The following PAK5 variants were observed in gnomAD, a reference collection of about 807,000 sequenced individuals.
PAK5 encodes p21 (RAC1) activated kinase 5.
A neutral mutation model predicts 65.9 loss-of-function variants in PAK5; 16 were observed. The ratio of observed to expected loss-of-function variants is 0.24; its 90% CI spans 0.16 to 0.37. The LOEUF is 0.37. Ranked by LOEUF, PAK5 falls within the 10% of genes least tolerant of loss-of-function variation. PAK5 has a pLI of 1.00. For missense variants in PAK5, 785 were observed against 903.9 expected (o/e 0.87, Z 1.69); for synonymous variants, 371 against 354.9 (o/e 1.05, Z -0.51).
chr20:9,544,105 A>C (rs1409869083), intron 8 of PAK5, among the ~76,000 whole-genome samples: 1 of 152,182 alleles, frequency 6.6e-6, no homozygotes, highest in Non-Finnish European at 1.5e-5. Context: ...GAGTGGGATC[A>C]GAGTTGGAGT....
intron 1 of PAK5, among the ~76,000 whole-genome samples, chr20:9,822,241 A>AT (rs959060068): frequency 2.0e-5 from 3 of 149,822 alleles, no homozygotes; most frequent in Admixed American, 6.7e-5. Context: ...GTGAGCTGAG[A>AT]TCCTGCCACT....
At position 9,539,559 on chromosome 20, in the gene PAK5, C is replaced by G; in HGVS notation, c.2063G>C (p.Arg688Thr). 1 of 1,613,760 alleles carries G rather than the reference C, an allele frequency of 6.2e-7. No homozygotes were observed. The highest frequency in any genetic ancestry group is 8.5e-7 in the Non-Finnish European group (1 of 1,179,920). ...TCCGAGGAGTTCCTGGGCTGTTGCT[C>G]TCTGAGAGGGCTCCCTCACCAACAT... ...DLMLVREPSQ[R>T]ATAQELLGHP... Residue 688 changes from arginine (R) to threonine (T), a missense_variant, in exon 10 of 10, where the codon AGA (arginine) becomes ACA (threonine). Arg to Thr is a moderately conservative substitution (Grantham distance 71). Coordinates refer to ENST00000353224, the MANE Select transcript of PAK5 (RefSeq NM_177990.4).
chr20:9,787,940 T>G (rs2049009955), intron 1 of PAK5, among the ~76,000 whole-genome samples: 1 of 151,598 alleles, frequency 6.6e-6, no homozygotes, highest in East Asian at 1.9e-4. Flanking sequence ...ATTTTAATAA[T>G]AGCTAAAAAT....
At chr20:9,721,653 CAAAAAAAAAAAA>C (rs144378083) in intron 1 of PAK5, among the ~76,000 whole-genome samples, 2 of 65,520 alleles carry the variant, frequency 3.1e-5, no homozygotes, top group Admixed American at 2.2e-4. Flanking sequence ...GACTCCATCT[CAAAAAAAAAAAA>C]AAAAAAAAAA....
intron 2 of PAK5, among the ~76,000 whole-genome samples, chr20:9,697,414 A>T (rs546110013): frequency 6.6e-6 from 1 of 151,986 alleles, no homozygotes; most frequent in Non-Finnish European, 1.5e-5. Context: ...AATATCTCCA[A>T]ATATGCTATT....
At chr20:9,557,767 A>T (rs1484845136) in intron 6 of PAK5, 33 bp from the exon 7 acceptor site, 4 of 1,588,834 alleles carry the variant, frequency 2.5e-6, no homozygotes, top group Admixed American at 1.7e-5. Context: ...GGAACAAGAC[A>T]GGTTTAAGAA....
chr20:9,566,588 C>T (rs1603214759), intron 4 of PAK5, among the ~76,000 whole-genome samples: 2 of 151,942 alleles, frequency 1.3e-5, no homozygotes, highest in African/African-American at 4.8e-5. Context: ...GGTTACTTCA[C>T]GTGTGTCATA....
At chr20:9,640,546 G>A (rs188198328) in intron 3 of PAK5, among the ~76,000 whole-genome samples, 4 of 152,252 alleles carry the variant, frequency 2.6e-5, no homozygotes, top group African/African-American at 9.6e-5. Flanking sequence ...GTTTATAGCA[G>A]CATGTTTTAT....
In PAK5 at chr20:9,572,044, G is replaced by A. The variant is rs574124864; in HGVS notation, c.991-5660C>T. 4.9e-4 allele frequency among the ~76,000 whole-genome samples: 74 copies of A among 150,656 alleles called. 2 individuals carry two copies. The highest frequency in any genetic ancestry group is 1.6e-3 in the African/African-American group (66 of 40,432). On this transcript the variant is annotated intron_variant, in intron 4 of 9. Transcript: ENST00000353224. ...GATGGATGATAATGTCTAGGAGAGG[G>A]GGTGAAAGACAAATTAAGGGTTTTT... is the stretch of plus-strand genomic sequence containing the variant.
intron 4 of PAK5, among the ~76,000 whole-genome samples, chr20:9,575,416 C>T (rs1043550380): frequency 2.6e-5 from 4 of 152,154 alleles, no homozygotes; most frequent in Non-Finnish European, 5.9e-5. Flanking sequence ...GATCATACAG[C>T]TACTAAGCGC....
At chr20:9,821,533 T>C (rs1200356496) in intron 1 of PAK5, among the ~76,000 whole-genome samples, 6 of 152,156 alleles carry the variant, frequency 3.9e-5, no homozygotes, top group African/African-American at 9.7e-5. Context: ...TGGATCCCCC[T>C]CTTGCTCCAC....
At chr20:9,723,229 G>C (rs1290442618) in intron 1 of PAK5, among the ~76,000 whole-genome samples, 1 of 152,184 alleles carries the variant, frequency 6.6e-6, no homozygotes, top group Non-Finnish European at 1.5e-5. Context: ...GTGAAGAATG[G>C]CAGCGGGTTT....
At chr20:9,578,702 A>G (rs1331480549) in intron 4 of PAK5, among the ~76,000 whole-genome samples, 1 of 152,236 alleles carries the variant, frequency 6.6e-6, no homozygotes, top group Admixed American at 6.5e-5. Flanking sequence ...TGCACAAGAA[A>G]TGGAATAAAC....
intron 8 of PAK5, among the ~76,000 whole-genome samples, chr20:9,543,347 A>G (rs142382503): frequency 2.8e-4 from 43 of 152,238 alleles, no homozygotes; most frequent in African/African-American, 9.1e-4. Context: ...AGTCGAGACA[A>G]TGAGGAGCCA....
chr20:9,728,854 G>A (rs1334307403), intron 1 of PAK5, among the ~76,000 whole-genome samples: 1 of 151,714 alleles, frequency 6.6e-6, no homozygotes, highest in East Asian at 1.9e-4. Context: ...CTACAATAGC[G>A]GAATTAAGTC....
At chr20:9,676,150 C>T (rs951212094) in intron 2 of PAK5, among the ~76,000 whole-genome samples, 2 of 151,952 alleles carry the variant, frequency 1.3e-5, no homozygotes, top group South Asian at 2.1e-4. Flanking sequence ...GAAAACTCCC[C>T]CTTACAATAA....
rs952476748 is a variant in PAK5 at position 9,574,202 on chromosome 20, T to C, written c.990+5943A>G. Among the ~76,000 whole-genome samples, 4 of 152,154 alleles carry C rather than the reference T, an allele frequency of 2.6e-5. No individual in the cohort carries two copies. In the East Asian group the frequency reaches 7.7e-4, roughly 29 times the overall value. ...CTCATTGAACCCTATAACTCGTCTG[T>C]CTCTCTGGTTGTGCCCTGCAAATGC... On this transcript the variant is annotated intron_variant, in intron 4 of 9. Coordinates refer to ENST00000353224, the MANE Select transcript of PAK5 (RefSeq NM_177990.4).
intron 4 of PAK5, chr20:9,577,344 C>T (rs2045902606): frequency 1.3e-5 from 2 of 151,482 alleles, no homozygotes; most frequent in East Asian, 1.9e-4. Flanking sequence ...TAACATTAAT[C>T]TTTTTTTTTC....
chr20:9,820,536 G>A (rs1007123172), intron 1 of PAK5, among the ~76,000 whole-genome samples: 10 of 152,172 alleles, frequency 6.6e-5, no homozygotes, highest in African/African-American at 1.9e-4. Context: ...AATTCTTATT[G>A]AATTCATTTG....
Sources: gnomAD v4.1 joint callset for allele counts (sites outside exome capture counted in the v4.1 genomes callset) on GRCh38, gnomAD v4.1.1 for gene constraint, MANE v1.5 for transcripts, NCBI Gene and HGNC (gene_info 2026-07-23, HGNC 2026-07-21) for gene names.